Variants in MBIP observed in about 807,000 individuals in gnomAD.
MBIP encodes the protein MAP3K12-binding inhibitory protein 1.
In MBIP, 32 loss-of-function variants were observed where a neutral mutation model predicts 45.7. The observed-to-expected ratio is 0.70, with a 90% confidence interval of 0.53 to 0.94. The LOEUF (loss-of-function observed/expected upper bound fraction) is 0.94, where lower values mean the gene tolerates loss of function less well. Ranked by LOEUF, MBIP falls within the 40% of genes least tolerant of loss-of-function variation. MBIP has a pLI of 0.00. For missense variants in MBIP, 381 were observed against 405.5 expected, an observed-to-expected ratio of 0.94 and a Z score of 0.52; for synonymous variants, 145 against 141.0, an observed-to-expected ratio of 1.03 and a Z score of -0.20.
intron 7 of MBIP, among the ~76,000 whole-genome samples, chr14:36,302,416 C>T (rs376166637): frequency 5.4e-5 from 8 of 147,956 alleles, no homozygotes; most frequent in African/African-American, 9.9e-5. Flanking sequence ...GGCATGAACC[C>T]GGGAGGCGGA....
chr14:36,301,346 G>C (rs1398972887), intron 7 of MBIP, among the ~76,000 whole-genome samples: 1 of 152,196 alleles, frequency 6.6e-6, no homozygotes, highest in Non-Finnish European at 1.5e-5. Context: ...CAAGCCAATG[G>C]CTTCCCGGTC....
chr14:36,301,151 T>A (rs549800795), intron 7 of MBIP: 1 of 195,164 alleles, frequency 5.1e-6, no homozygotes, highest in Non-Finnish European at 1.0e-5. Flanking sequence ...CTGCTTAGTT[T>A]TTTTTCATAA....
chr14:36,300,832 A>T lies in MBIP; in HGVS notation c.889-9T>A. Reference sequence around the variant, plus strand: ...CTTTTTCCAGAAAAGCTCTAGATTAAAAAAAAAAAGGTAATGTTTAGAAAA... The same window carrying T: ...CTTTTTCCAGAAAAGCTCTAGATTATAAAAAAAAAGGTAATGTTTAGAAAA... On this transcript the variant is annotated splice_polypyrimidine_tract_variant and intron_variant, in intron 7 of 8. Transcript: ENST00000416007. The T allele has an allele frequency of 7.2e-7, 1 of 1,387,024 alleles. No individual in the cohort carries two copies. The highest frequency in any genetic ancestry group is 9.8e-7 in the Non-Finnish European group (1 of 1,015,650). The allele number at this position is 1,387,024 out of a possible 1,614,324, so 85.9% of individuals were successfully genotyped here. A position where few individuals can be genotyped will look rare whatever the true frequency, so the allele number is the denominator to read the frequency against.
intron 4 of MBIP, chr14:36,313,559 T>C (rs1389411193): frequency 6.6e-6 from 1 of 152,116 alleles, no homozygotes; most frequent in African/African-American, 2.4e-5. Flanking sequence ...GTACCTGAGA[T>C]TTTGCCATTG....
Position 36,311,734 on chromosome 14 carries a change from AGAAACTTTT to A in MBIP, c.638-18_638-10del, listed in dbSNP as rs759804475. On this transcript the variant is annotated splice_polypyrimidine_tract_variant and intron_variant, in intron 5 of 8. Coordinates refer to ENST00000416007, the MANE Select transcript of MBIP (RefSeq NM_016586.3). ...ATTCACAACTCTAGAAACTAAATTA[AGAAACTTTT>A]GAGCCTATATACATTTGTATTTCAA... 6.3e-7 allele frequency: 1 copy of A among 1,585,098 alleles called. No homozygotes were observed. The highest frequency in any genetic ancestry group is 1.4e-5 in the African/African-American group (1 of 73,486).
intron 7 of MBIP, among the ~76,000 whole-genome samples, chr14:36,306,301 C>A (rs988940649): frequency 6.6e-5 from 10 of 152,094 alleles, no homozygotes; most frequent in African/African-American, 2.4e-4. Context: ...GTTGCCCAGG[C>A]TGGAGTGCAA....
At chr14:36,316,568 G>T in intron 2 of MBIP, 125 bp downstream of exon 2, 1 of 871,052 alleles carries the variant, frequency 1.1e-6, no homozygotes, top group Non-Finnish European at 1.7e-6. Context: ...AAATCCGGAT[G>T]TAAATAACGT....
Sources: gnomAD v4.1 joint callset for allele counts (sites outside exome capture counted in the v4.1 genomes callset) on GRCh38, gnomAD v4.1.1 for gene constraint, MANE v1.5 for transcripts, NCBI Gene and HGNC (gene_info 2026-07-23, HGNC 2026-07-21) for gene names.